LARGE1: variants seen among roughly 807,000 people sequenced by gnomAD.
The protein encoded by LARGE1 is LARGE xylosyl- and glucuronyltransferase 1, also known as xylosyl- and glucuronyltransferase LARGE1.
Under a neutral mutation model 87.6 loss-of-function variants are expected in LARGE1, and 43 were observed. The observed-to-expected ratio is 0.49, with a 90% CI of 0.38 to 0.63. LARGE1 has a LOEUF of 0.63. Among genes scored for constraint, LARGE1 ranks in the 30% least tolerant of loss-of-function variants. LARGE1 has a pLI of 0.00. For synonymous variants in LARGE1, 434 were observed against 394.6 expected (o/e 1.10, Z -1.18); for missense variants, 802 against 1,000.2 (o/e 0.80, Z 2.67).
intron 6 of LARGE1, among the ~76,000 whole-genome samples, chr22:33,438,219 G>C (rs533588068): frequency 6.6e-6 from 1 of 152,090 alleles, no homozygotes; most frequent in Non-Finnish European, 1.5e-5. Flanking sequence ...GCTTGCCATC[G>C]TGTGAAGAGG....
chr22:33,514,772 G>C (rs928654489), intron 6 of LARGE1, among the ~76,000 whole-genome samples: 1 of 152,114 alleles, frequency 6.6e-6, no homozygotes, highest in Non-Finnish European at 1.5e-5. Flanking sequence ...ACAATCACGA[G>C]TTTCAGTCCT....
At chr22:33,777,120 A>T (rs559637519) in intron 1 of LARGE1, among the ~76,000 whole-genome samples, 1 of 152,312 alleles carries the variant, frequency 6.6e-6, no homozygotes, top group Non-Finnish European at 1.5e-5. Flanking sequence ...TGAGAAGGAG[A>T]GAGAAGTCAT....
At chr22:33,431,803 G>C (rs2103524) in intron 7 of LARGE1, among the ~76,000 whole-genome samples, 1 of 152,182 alleles carries the variant, frequency 6.6e-6, no homozygotes, top group South Asian at 2.1e-4. Flanking sequence ...GTACATATCC[G>C]TTGTGTTAAG....
intron 11 of LARGE1, among the ~76,000 whole-genome samples, chr22:33,311,024 G>C (rs142721205): frequency 4.0e-5 from 6 of 151,316 alleles, no homozygotes; most frequent in Non-Finnish European, 8.8e-5. Context: ...GCAGTGGCAC[G>C]ATCTCAGCTC....
chr22:33,812,860 G>A (rs738951), intron 1 of LARGE1, among the ~76,000 whole-genome samples: 76,222 of 152,054 alleles, frequency 0.5, 19,292 homozygotes, highest in South Asian at 0.65. Context: ...GATGAAAACT[G>A]TCTGTCCTTC....
chr22:33,376,458 G>A (rs915110581), intron 9 of LARGE1, among the ~76,000 whole-genome samples: 7 of 152,160 alleles, frequency 4.6e-5, no homozygotes, highest in African/African-American at 1.7e-4. Context: ...CCTGATGTCT[G>A]GGCCACACAA....
intron 7 of LARGE1, among the ~76,000 whole-genome samples, chr22:33,412,046 G>A (rs180814945): frequency 6.6e-6 from 1 of 152,308 alleles, no homozygotes; most frequent in Non-Finnish European, 1.5e-5. Context: ...CACTTTGGGA[G>A]GCTGAGGCGG....
chr22:33,356,492 C>G (rs901260688), intron 9 of LARGE1, among the ~76,000 whole-genome samples: 1 of 152,182 alleles, frequency 6.6e-6, no homozygotes, highest in African/African-American at 2.4e-5. Flanking sequence ...AGAGAGTTGG[C>G]CGGGCGTGGT....
At chr22:33,450,258 G>T (rs111497203) in intron 6 of LARGE1, among the ~76,000 whole-genome samples, 7,904 of 151,974 alleles carry the variant, frequency 0.052, 251 homozygotes, top group African/African-American at 0.077. Context: ...CACATCACAG[G>T]AATCAGAGTT....
chr22:33,445,938 C>G (rs948578341), intron 6 of LARGE1, among the ~76,000 whole-genome samples: 3 of 151,580 alleles, frequency 2.0e-5, no homozygotes, highest in African/African-American at 7.3e-5. Context: ...GCGTGAGCCA[C>G]TGCACCCGGC....
rs74856382 is a variant in LARGE1, at chr22:33,166,682, G to A, written c.*81C>T. On this transcript the variant is annotated 3_prime_UTR_variant, in exon 12 of 12. Coordinates refer to the LARGE1 transcript ENST00000608642. ...CGTACCACTTTGGCTTCAACGTTGA[G>A]CCGTTCCAACATGCTGTAAAATTAG... The A allele has an allele frequency of 5.4e-3, 2,522 of 464,418 alleles. 52 individuals are homozygous for A. Among genetic ancestry groups the A allele is most frequent in the African/African-American group, 0.043 (2,156 of 50,018 alleles). 28.8% of individuals were successfully genotyped at this position (464,418 alleles called of 1,614,324 possible). A position where few individuals can be genotyped will look rare whatever the true frequency, so the allele number is the denominator to read the frequency against.
chr22:33,880,482 G>T (rs998527213), intron 1 of LARGE1, among the ~76,000 whole-genome samples: 6 of 152,168 alleles, frequency 3.9e-5, no homozygotes, highest in African/African-American at 7.2e-5. Flanking sequence ...CAGAGATAAG[G>T]CCCAGACCTT....
At chr22:33,489,558 C>T (rs1569207980) in intron 6 of LARGE1, among the ~76,000 whole-genome samples, 2 of 152,138 alleles carry the variant, frequency 1.3e-5, no homozygotes, top group South Asian at 2.1e-4. Context: ...ATAAATCTCA[C>T]CAGATCTGAT....
chr22:33,406,338 G>A (rs1027104162), intron 7 of LARGE1, among the ~76,000 whole-genome samples: 1 of 152,000 alleles, frequency 6.6e-6, no homozygotes, highest in African/African-American at 2.4e-5. Context: ...CCCATCCCTT[G>A]AGATCCGACC....
At chr22:33,371,162 G>T (rs2064796086) in intron 9 of LARGE1, among the ~76,000 whole-genome samples, 1 of 150,038 alleles carries the variant, frequency 6.7e-6, no homozygotes, top group African/African-American at 2.4e-5. Flanking sequence ...TGGAATAGTT[G>T]GCCAAAAAAA....
intron 5 of LARGE1, among the ~76,000 whole-genome samples, chr22:33,582,581 T>C (rs779879297): frequency 1.3e-5 from 2 of 152,224 alleles, no homozygotes; most frequent in Non-Finnish European, 2.9e-5. Flanking sequence ...CTGAAGGCAA[T>C]GAACTAGCCA....
chr22:33,532,801 C>T (rs115104860), intron 6 of LARGE1, among the ~76,000 whole-genome samples: 605 of 152,292 alleles, frequency 4.0e-3, no homozygotes, highest in African/African-American at 0.013. Context: ...TGTGTTCATT[C>T]CTTTGTGAGT....
chr22:33,708,526 G>A (rs2082630617), intron 2 of LARGE1, among the ~76,000 whole-genome samples: 1 of 152,188 alleles, frequency 6.6e-6, no homozygotes, highest in Non-Finnish European at 1.5e-5. Flanking sequence ...CTATGGGGCT[G>A]AAACAACAGG....
rs149403639 is a variant in LARGE1, at chr22:33,722,232, G to A, written c.106+39139C>T. Among the ~76,000 whole-genome samples the A allele has an allele frequency of 4.6e-3, 691 of 149,050 alleles. 3 individuals carry two copies. The highest frequency in any genetic ancestry group is 8.3e-3 in the Non-Finnish European group (558 of 67,262). On this transcript the variant is annotated intron_variant, in intron 2 of 14. Coordinates refer to ENST00000397394, the MANE Select transcript of LARGE1 (RefSeq NM_133642.5). ...CACGCCACTGCCCTCTAGCCTGGGAGGGAGAAAGGAAGGGAGGAAGAGGGA... is the reference window on the plus strand; with the variant it reads ...CACGCCACTGCCCTCTAGCCTGGGAAGGAGAAAGGAAGGGAGGAAGAGGGA...
Sources: gnomAD v4.1 joint callset for allele counts (sites outside exome capture counted in the v4.1 genomes callset) on GRCh38, gnomAD v4.1.1 for gene constraint, MANE v1.5 for transcripts, NCBI Gene and HGNC (gene_info 2026-07-23, HGNC 2026-07-21) for gene names.